The following IGSF22 variants were observed in gnomAD, a reference collection of about 807,000 sequenced individuals.
IGSF22 encodes the protein immunoglobulin superfamily, member 22.
A neutral mutation model predicts 127.0 loss-of-function variants in IGSF22; 119 were observed. The observed-to-expected ratio is 0.94, with a 90% CI of 0.81 to 1.09. The LOEUF is 1.09. Among genes scored for constraint, IGSF22 ranks in the 50% least tolerant of loss-of-function variants. The probability of loss-of-function intolerance (pLI) is 0.00; values close to 1 mark genes in which losing one functional copy is unlikely to be tolerated. For synonymous variants in IGSF22, 568 were observed against 664.7 expected (o/e 0.85, Z 2.24); for missense variants, 1,518 against 1,716.6 (o/e 0.88, Z 2.04).
intron 22 of IGSF22, among the ~76,000 whole-genome samples, chr11:18,705,092 G>C (rs534722835): frequency 2.6e-5 from 4 of 151,492 alleles, no homozygotes; most frequent in African/African-American, 7.3e-5. Context: ...TAACCATGGA[G>C]ACCACAGCAA....
chr11:18,708,961 C>T (rs1848299058), intron 18 of IGSF22, among the ~76,000 whole-genome samples: 1 of 152,180 alleles, frequency 6.6e-6, no homozygotes, highest in African/African-American at 2.4e-5. Flanking sequence ...TCCACCTGGA[C>T]CTGCTCTCCC....
intron 21 of IGSF22, 166 bp downstream of exon 21, chr11:18,706,748 G>A (rs1170831029): frequency 3.3e-6 from 2 of 601,348 alleles, no homozygotes; most frequent in Non-Finnish European, 5.5e-6. Context: ...TAAGTACCCC[G>A]AAGAAAGCCA....
Position 18,715,743 on chromosome 11 carries a change from G to C in IGSF22, c.1247-27C>G, listed in dbSNP as rs771823009. On this transcript the variant is annotated intron_variant, in intron 10 of 22. Transcript: ENST00000513874. ...TGTGGACAGACAGACACTTGGGCCT[G>C]CTCCCAAACCACGACATCTTTTTTC... 1.9e-6 allele frequency: 3 copies of C among 1,587,382 alleles called. No individual in the cohort carries two copies. The Admixed American group carries it at 5.0e-5, about 27-fold the overall frequency.
intron 4 of IGSF22, 77 bp from the exon 5 acceptor site, chr11:18,720,362 C>G: frequency 9.3e-7 from 1 of 1,076,892 alleles, no homozygotes. Context: ...AGGTAGGAGG[C>G]CTTTTTTTTT....
intron 2 of IGSF22, among the ~76,000 whole-genome samples, chr11:18,722,416 G>T (rs1848591004): frequency 6.6e-6 from 1 of 151,968 alleles, no homozygotes; most frequent in Non-Finnish European, 1.5e-5. Flanking sequence ...GCCTGCTTCT[G>T]CCTGGGAGGT....
At chr11:18,713,510 A>T (rs922851797) in intron 14 of IGSF22, among the ~76,000 whole-genome samples, 2 of 152,154 alleles carry the variant, frequency 1.3e-5, no homozygotes, top group Non-Finnish European at 1.5e-5. Context: ...CTTACCTCCT[A>T]TCAAGTTTTC....
chr11:18,706,787 A>T, intron 21 of IGSF22, 127 bp downstream of exon 21: 1 of 738,832 alleles, frequency 1.4e-6, no homozygotes. Flanking sequence ...AGCGTCCCAG[A>T]TATTAACCGT....
rs368720504 is a variant in IGSF22 at position 18,719,753 on chromosome 11, C to T, written c.659G>A (p.Arg220Lys). The change falls in exon 7 of 23, where the codon AGG becomes AAG. Residue 220 changes from arginine (R) to lysine (K), a missense_variant. Around this residue, in one of 3 missense-constraint regions of IGSF22, gnomAD observed 1,456 missense variants for 1,644.9 expected, o/e 0.89. Coordinates refer to ENST00000513874, the MANE Select transcript of IGSF22 (RefSeq NM_173588.4). Reference protein sequence around the residue: ...YGFTDFRGLLRKLKEMKKKVE... With the variant: ...YGFTDFRGLLKKLKEMKKKVE... ...TTTCTTCTTCATCTCTTTGAGCTTC[C>T]TGAGCAGCCCCCGAAAGTCGGTGAA... 2.5e-6 allele frequency: 4 copies of T among 1,614,064 alleles called. No individual in the cohort carries two copies. Among genetic ancestry groups the T allele is most frequent in the Admixed American group, 3.3e-5 (2 of 60,008 alleles).
At chr11:18,722,489 T>C (rs1848591975) in intron 2 of IGSF22, among the ~76,000 whole-genome samples, 1 of 152,122 alleles carries the variant, frequency 6.6e-6, no homozygotes, top group South Asian at 2.1e-4. Flanking sequence ...TCAGCATTCA[T>C]TGCCTTGGGA....
At chr11:18,721,820 A>G in intron 3 of IGSF22, 90 bp downstream of exon 3, 1 of 1,592,994 alleles carries the variant, frequency 6.3e-7, no homozygotes, top group Non-Finnish European at 8.5e-7. Flanking sequence ...AGGGTTTAGC[A>G]TTGGAGGTCG....
intron 18 of IGSF22, 137 bp from the exon 19 acceptor site, chr11:18,708,432 T>C: frequency 3.3e-6 from 2 of 610,090 alleles, no homozygotes; most frequent in South Asian, 4.7e-5. Flanking sequence ...CTAGCTGCCC[T>C]GCAACCCTGT....
At chr11:18,724,397 C>G in intron 1 of IGSF22, 128 bp from the exon 2 acceptor site, 5 of 534,608 alleles carry the variant, frequency 9.4e-6, no homozygotes, top group Non-Finnish European at 1.7e-5. Flanking sequence ...AGCAGTCGAG[C>G]TCTCTTTTCT....
In IGSF22 at chr11:18,710,748, G is replaced by C; in HGVS notation, c.2479C>G (p.Gln827Glu). ...CCGAGCACTGGGGCTCCCCCATCCT[G>C]GGTAGGGGCATTCCACGTGATGGTC... is the stretch of plus-strand genomic sequence containing the variant. ...AVTITWNAPT[Q>E]DGGAPVLGYI... The change falls in exon 16 of 23, where the codon CAG (glutamine) becomes GAG (glutamate). Residue 827 changes from glutamine (Q) to glutamate (E), a missense_variant. By Grantham distance (29) the Gln-to-Glu change is conservative. Coordinates refer to ENST00000513874, the MANE Select transcript of IGSF22 (RefSeq NM_173588.4). 1.2e-6 allele frequency: 2 copies of C among 1,614,164 alleles called. No homozygotes were observed. Among genetic ancestry groups the C allele is most frequent in the Non-Finnish European group, 1.7e-6 (2 of 1,179,994 alleles).
intron 15 of IGSF22, among the ~76,000 whole-genome samples, chr11:18,711,096 T>C (rs1265815114): frequency 6.6e-6 from 1 of 152,004 alleles, no homozygotes. Flanking sequence ...TTAACTTTGC[T>C]TGCACATTAA....
At chr11:18,710,301 TC>T (rs778427652) in intron 17 of IGSF22, 25 bp downstream of exon 17, 64 of 1,610,664 alleles carry the variant, frequency 4.0e-5, no homozygotes, top group East Asian at 2.2e-4. Flanking sequence ...CCATTATGTG[TC>T]AGGACCTGGC....
At position 18,719,762 on chromosome 11, in the gene IGSF22, C is replaced by T. The variant is rs1255812642; in HGVS notation, c.650G>A (p.Gly217Glu). Residue 217 changes from glycine (G) to glutamate (E), a missense_variant, in exon 7 of 23, where the codon GGG (glycine) becomes GAG (glutamate). This residue lies in a region of IGSF22 where 1,456 missense variants were observed against 1,644.9 expected (regional missense o/e 0.89). Coordinates refer to ENST00000513874, the MANE Select transcript of IGSF22 (RefSeq NM_173588.4). ...CMEYGFTDFR[G>E]LLRKLKEMKK... ...CATCTCTTTGAGCTTCCTGAGCAGC[C>T]CCCGAAAGTCGGTGAAACCATACTC... is the stretch of plus-strand genomic sequence containing the variant. 6.2e-7 allele frequency: 1 copy of T among 1,614,060 alleles called. No homozygotes were observed. The highest frequency in any genetic ancestry group is 8.5e-7 in the Non-Finnish European group (1 of 1,180,040).
Position 18,706,061 on chromosome 11 carries a change from G to T in IGSF22, c.3666C>A (p.His1222Gln), listed in dbSNP as rs1346910313. The T allele has an allele frequency of 6.4e-7, 1 of 1,551,110 alleles. No homozygotes were observed. Residue 1222 changes from histidine to glutamine, a missense_variant, in exon 22 of 23, where the codon CAC (histidine) becomes CAA (glutamine). Around this residue, in one of 3 missense-constraint regions of IGSF22, gnomAD observed 1,456 missense variants for 1,644.9 expected, o/e 0.89. Coordinates refer to ENST00000513874, the MANE Select transcript of IGSF22 (RefSeq NM_173588.4). ...APRFVTPLKP[H>Q]TVLRGQDCTM... ...TGCAGTCCTGGCCGCGGAGCACCGT[G>T]TGTGGCTTGAGGGGCGTCACGAAGC...
At chr11:18,707,534 A>C (rs1848264348) in intron 20 of IGSF22, 2 of 539,788 alleles carry the variant, frequency 3.7e-6, no homozygotes, top group South Asian at 3.0e-5. Flanking sequence ...GGGGGTTTAG[A>C]GCTTTATTTT....
Position 18,710,309 on chromosome 11 carries a change from T to A in IGSF22, c.2701+18A>T, listed in dbSNP as rs1848327951. 1 of 1,612,014 alleles carries A rather than the reference T, an allele frequency of 6.2e-7. No individual in the cohort carries two copies. The highest frequency in any genetic ancestry group is 8.5e-7 in the Non-Finnish European group (1 of 1,178,216). ...GCTAATTCCATTATGTGTCAGGACC[T>A]GGCAGCCGCATACTCACTAACAGGA... On this transcript the variant is annotated intron_variant, in intron 17 of 22. Coordinates refer to ENST00000513874, the MANE Select transcript of IGSF22 (RefSeq NM_173588.4).
Sources: gnomAD v4.1 joint callset for allele counts (sites outside exome capture counted in the v4.1 genomes callset) on GRCh38, gnomAD v4.1.1 for gene constraint, gnomAD v4.1.1 regional missense constraint, MANE v1.5 for transcripts, NCBI Gene and HGNC (gene_info 2026-07-23, HGNC 2026-07-21) for gene names.